PIK3C2G: variants seen among roughly 807,000 people sequenced by gnomAD.
PIK3C2G encodes phosphatidylinositol-4-phosphate 3-kinase catalytic subunit type 2 gamma.
A neutral mutation model predicts 181.1 loss-of-function variants in PIK3C2G; 168 were observed. That is an observed-to-expected ratio of 0.93 (90% CI 0.82 to 1.05). PIK3C2G has a LOEUF of 1.05. Ranked by LOEUF, PIK3C2G falls within the 50% of genes least tolerant of loss-of-function variation. The pLI, the probability that PIK3C2G is intolerant of heterozygous loss-of-function variation, is 0.00. For synonymous variants in PIK3C2G, 573 were observed against 592.2 expected (o/e 0.97, Z 0.47); for missense variants, 1,869 against 1,732.8 (o/e 1.08, Z -1.40).
chr12:18,696,051 C>T, the PIK3C2G span: 1 of 663,702 alleles, frequency 1.5e-6, no homozygotes, highest in African/African-American at 1.9e-5. Flanking sequence ...GCTAAAAAAT[C>T]TTTTACAGAA....
intron 29 of PIK3C2G, among the ~76,000 whole-genome samples, chr12:18,585,365 C>T (rs1346573072): frequency 7.0e-6 from 1 of 142,694 alleles, no homozygotes. Flanking sequence ...AAATGGAAAT[C>T]AGAAAAAAAA....
intron 17 of PIK3C2G, 50 bp from the exon 18 acceptor site, chr12:18,423,895 T>G (rs754238058): frequency 1.8e-6 from 2 of 1,103,712 alleles, no homozygotes; most frequent in South Asian, 2.6e-5. Flanking sequence ...CTCTGTATTC[T>G]GCTATAATTT....
chr12:18,483,205 T>G (rs1939724488), intron 18 of PIK3C2G, among the ~76,000 whole-genome samples: 1 of 152,194 alleles, frequency 6.6e-6, no homozygotes, highest in African/African-American at 2.4e-5. Flanking sequence ...AACAGCCACA[T>G]GTACCATCTC....
At chr12:18,296,469 C>T (rs1949947115) in intron 5 of PIK3C2G, among the ~76,000 whole-genome samples, 1 of 152,120 alleles carries the variant, frequency 6.6e-6, no homozygotes, top group Non-Finnish European at 1.5e-5. Flanking sequence ...GACTTAAGAA[C>T]TTAGACTCTC....
In PIK3C2G at chr12:18,313,968, C is replaced by G; in HGVS notation, c.1041C>G (p.His347Gln). 1 of 1,568,632 alleles carries G rather than the reference C, an allele frequency of 6.4e-7. No homozygotes were observed. The highest frequency in any genetic ancestry group is 1.3e-5 in the African/African-American group (1 of 74,114). The change falls in exon 6 of 33, where the codon CAC (histidine) becomes CAG (glutamine). Residue 347 changes from histidine to glutamine, a missense_variant. By Grantham distance (24) the His-to-Gln change is conservative (BLOSUM62 0). Coordinates refer to ENST00000538779, the MANE Select transcript of PIK3C2G (RefSeq NM_001288772.2). ...CGSEEFLQNDHCLGSHKMFQK... is the reference protein window; with the variant it reads ...CGSEEFLQNDQCLGSHKMFQK... ...TCATTTTTTCCTCCTTCAGCGACCA[C>G]TGTTTGGGGAGCCACAAAATGTTTC...
At chr12:18,694,782 T>C in the PIK3C2G span, 1 of 737,132 alleles carries the variant, frequency 1.4e-6, no homozygotes, top group Non-Finnish European at 2.2e-6. Context: ...TACCCACATA[T>C]AGTACCTGAA....
At position 18,485,533 on chromosome 12, in the gene PIK3C2G, A is replaced by T. The variant is rs148449733; in HGVS notation, c.2505-2916A>T. ...GTCAAAATCTTCTTTAATCATCTAG[A>T]TTTTATGCATTCATCCTCATTTTAA... On this transcript the variant is annotated intron_variant, in intron 18 of 32. Coordinates refer to ENST00000538779, the MANE Select transcript of PIK3C2G (RefSeq NM_001288772.2). Among the ~76,000 whole-genome samples the T allele has an allele frequency of 3.2e-4, 49 of 152,220 alleles. 1 individual carries two copies. The highest frequency in any genetic ancestry group is 6.5e-4 in the Admixed American group (10 of 15,290).
intron 18 of PIK3C2G, among the ~76,000 whole-genome samples, chr12:18,461,061 A>G (rs1368690768): frequency 6.6e-6 from 1 of 152,012 alleles, no homozygotes; most frequent in Non-Finnish European, 1.5e-5. Flanking sequence ...ATTCTTCAAA[A>G]CTGTATGTTT....
intron 1 of PIK3C2G, among the ~76,000 whole-genome samples, chr12:18,264,505 A>G (rs988381396): frequency 2.0e-5 from 3 of 152,034 alleles, no homozygotes; most frequent in African/African-American, 7.2e-5. Flanking sequence ...CTGCTTTTCA[A>G]AATGCTGTTT....
chr12:18,647,794 T>G, intron 32 of PIK3C2G, 82 bp from the exon 33 acceptor site: 1 of 747,722 alleles, frequency 1.3e-6, no homozygotes, highest in South Asian at 3.6e-5. Context: ...GCAGCTAATT[T>G]TTTTTATTAA....
chr12:18,291,129 A>C (rs1949675770), intron 4 of PIK3C2G, 117 bp downstream of exon 4: 1 of 602,904 alleles, frequency 1.7e-6, no homozygotes, highest in Non-Finnish European at 2.8e-6. Context: ...TTTTCTCTGA[A>C]GTGAAATAAG....
intron 30 of PIK3C2G, among the ~76,000 whole-genome samples, chr12:18,603,179 A>G (rs1040475615): frequency 1.3e-5 from 2 of 152,236 alleles, no homozygotes; most frequent in Non-Finnish European, 1.5e-5. Context: ...TTAAAAAACA[A>G]TCAAATATTC....
At chr12:18,277,833 T>A (rs1481471548) in intron 1 of PIK3C2G, among the ~76,000 whole-genome samples, 1 of 152,190 alleles carries the variant, frequency 6.6e-6, no homozygotes, top group Non-Finnish European at 1.5e-5. Context: ...AAATTTTGTC[T>A]ATACTTTCTC....
At chr12:18,685,448 T>A in the PIK3C2G span, 58 of 205,326 alleles carry the variant, frequency 2.8e-4, no homozygotes, top group African/African-American at 1.2e-3. Context: ...ACAAAGGCAA[T>A]GCTACACTTG....
chr12:18,273,039 G>C lies in PIK3C2G; in HGVS notation c.-78-8965G>C, dbSNP rs184474536. On this transcript the variant is annotated intron_variant, in intron 1 of 32. Coordinates refer to ENST00000538779, the MANE Select transcript of PIK3C2G (RefSeq NM_001288772.2). ...AGACACACACAAACACACACACACA[G>C]AGATAGAGAGAGAGAGAGTGAGAAA... is the stretch of plus-strand genomic sequence containing the variant. Among the ~76,000 whole-genome samples the C allele has an allele frequency of 1.9e-4, 25 of 131,166 alleles. 1 individual carries two copies. The East Asian group carries it at 4.5e-3, about 23-fold the overall frequency. The allele number at this position is 131,166 out of a possible 152,430, so 86.0% of individuals were successfully genotyped here.
At chr12:18,511,666 T>G (rs1391584418) in intron 24 of PIK3C2G, among the ~76,000 whole-genome samples, 1 of 152,086 alleles carries the variant, frequency 6.6e-6, no homozygotes, top group African/African-American at 2.4e-5. Flanking sequence ...TAATGTTTAT[T>G]TGTTTTCTTG....
At chr12:18,713,653 T>A in the PIK3C2G span, 1 of 152,240 alleles carries the variant, frequency 6.6e-6, no homozygotes, top group East Asian at 1.9e-4. Context: ...AAAATCAAGG[T>A]TTATGCAAAG....
At chr12:18,404,720 G>A (rs1944425644) in intron 16 of PIK3C2G, among the ~76,000 whole-genome samples, 1 of 152,090 alleles carries the variant, frequency 6.6e-6, no homozygotes, top group Non-Finnish European at 1.5e-5. Flanking sequence ...GTTGAAAATG[G>A]TGGTTCAATT....
At chr12:18,567,748 G>T (rs115946258) in intron 29 of PIK3C2G, among the ~76,000 whole-genome samples, 2,115 of 152,146 alleles carry the variant, frequency 0.014, 44 homozygotes, top group African/African-American at 0.048. Context: ...AAACCAAAAA[G>T]AAATAGTATT....
Sources: gnomAD v4.1 joint callset for allele counts (sites outside exome capture counted in the v4.1 genomes callset) on GRCh38, gnomAD v4.1.1 for gene constraint, MANE v1.5 for transcripts, NCBI Gene and HGNC (gene_info 2026-07-23, HGNC 2026-07-21) for gene names.